The following HGS variants were observed in gnomAD, a reference collection of about 807,000 sequenced individuals.
HGS encodes human growth factor-regulated tyrosine kinase substrate.
Under a neutral mutation model 109.7 loss-of-function variants are expected in HGS, and 63 were observed. The observed-to-expected ratio is 0.57, with a 90% CI of 0.47 to 0.71. HGS has a LOEUF of 0.71. Ranked by LOEUF, HGS falls within the 30% of genes least tolerant of loss-of-function variation. HGS has a pLI of 0.00. For synonymous variants in HGS, 546 were observed against 437.3 expected, an observed-to-expected ratio of 1.25 and a Z score of -3.10; for missense variants, 995 against 1,068.3, an observed-to-expected ratio of 0.93 and a Z score of 0.96.
chr17:81,693,360 C>T (rs1242703755), intron 8 of HGS, 143 bp from the exon 9 acceptor site: 2 of 673,190 alleles, frequency 3.0e-6, no homozygotes, highest in Non-Finnish European at 5.4e-6. Context: ...GGAGTGTGGC[C>T]ATTCGGACAC....
In HGS at chr17:81,695,012, C is replaced by G; in HGVS notation, c.1064C>G (p.Thr355Arg). The change falls in exon 13 of 22, where the codon ACG becomes AGG. Residue 355 changes from threonine (T) to arginine (R), a missense_variant. Transcript: ENST00000329138. ...SPTPSAPVPLTEPAAQPGEGH... is the reference protein window; with the variant it reads ...SPTPSAPVPLREPAAQPGEGH... Reference sequence around the variant, plus strand: ...ACGCCATCTGCGCCCGTGCCCCTGACGGAGCCGGCTGCACAGCCTGGGGAA... The same window carrying G: ...ACGCCATCTGCGCCCGTGCCCCTGAGGGAGCCGGCTGCACAGCCTGGGGAA... The G allele has an allele frequency of 1.2e-6, 2 of 1,614,058 alleles. No homozygotes were observed. The highest frequency in any genetic ancestry group is 1.7e-6 in the Non-Finnish European group (2 of 1,180,004).
rs2037041601 is a variant in HGS, at chr17:81,690,172, A to G, written c.416-10A>G. On this transcript the variant is annotated splice_polypyrimidine_tract_variant and intron_variant, in intron 5 of 21. Coordinates refer to ENST00000329138, the MANE Select transcript of HGS (RefSeq NM_004712.5). The stretch of plus-strand genomic sequence containing the variant: ...GGGAGCAGGCAGTGACTATGGCTTC[A>G]TCTCTCCAGGGCACGTCTTTCCAGA... The G allele has an allele frequency of 6.2e-7, 1 of 1,612,386 alleles. No individual in the cohort carries two copies. Among genetic ancestry groups the G allele is most frequent in the South Asian group, 1.1e-5 (1 of 90,782 alleles).
intron 15 of HGS, 59 bp from the exon 16 acceptor site, chr17:81,696,298 C>G: frequency 2.0e-6 from 3 of 1,469,956 alleles, no homozygotes; most frequent in Non-Finnish European, 1.8e-6. Flanking sequence ...TCCGTTCCAC[C>G]CAGGAGCTTC....
intron 8 of HGS, 40 bp from the exon 9 acceptor site, chr17:81,693,463 G>A: frequency 6.7e-7 from 1 of 1,502,786 alleles, no homozygotes. Flanking sequence ...GCAGGGCGGT[G>A]TCAGCGCATG....
At position 81,691,510 on chromosome 17, in the gene HGS, C is replaced by T. The variant is rs1329819238; in HGVS notation, c.601C>T (p.Pro201Ser). The change falls in exon 8 of 22, where the codon CCC (proline) becomes TCC (serine). Residue 201 changes from proline to serine, a missense_variant. By Grantham distance (74) the Pro-to-Ser change is moderately conservative. This residue lies in a region of HGS where 182 missense variants were observed against 261.3 expected (regional missense o/e 0.70). Transcript: ENST00000329138. This position sits in a 1 kb window ranked among gnomAD's most constrained non-coding sequence, Gnocchi z 5.3. ...GTGTTCTTCCAAGTACTCCACCATCCCCAAGTTTGGCATCGAGAAGGAGGT... is the reference window on the plus strand; with the variant it reads ...GTGTTCTTCCAAGTACTCCACCATCTCCAAGTTTGGCATCGAGAAGGAGGT... Reference protein sequence around the residue: ...GKCSSKYSTIPKFGIEKEVRV... With the variant: ...GKCSSKYSTISKFGIEKEVRV... 6 of 1,614,048 alleles carry T rather than the reference C, an allele frequency of 3.7e-6. No homozygotes were observed. The highest frequency in any genetic ancestry group is 1.1e-5 in the South Asian group (1 of 91,092).
At chr17:81,694,698 G>C in intron 11 of HGS, 117 bp from the exon 12 acceptor site, 1 of 1,239,722 alleles carries the variant, frequency 8.1e-7, no homozygotes, top group Non-Finnish European at 1.2e-6. Flanking sequence ...AGGGCACGGA[G>C]GGAGGGCCCA....
In HGS at chr17:81,701,880, G is replaced by A; in HGVS notation, c.*262G>A. On this transcript the variant is annotated 3_prime_UTR_variant, in exon 22 of 22. Transcript: ENST00000329138. ...CCAGGGGAAGCCCCCAGCCCTGTGG[G>A]TCATGGTCTGTGAGAGGTGGCAGGA... 1 of 406,806 alleles carries A rather than the reference G, an allele frequency of 2.5e-6. No individual in the cohort carries two copies. The highest frequency in any genetic ancestry group is 4.3e-6 in the Non-Finnish European group (1 of 232,964). The allele number at this position is 406,806 out of a possible 1,614,324, so 25.2% of individuals were successfully genotyped here.
intron 11 of HGS, 29 bp from the exon 12 acceptor site, chr17:81,694,786 G>A (rs770053621): frequency 6.2e-7 from 1 of 1,614,104 alleles, no homozygotes; most frequent in Admixed American, 1.7e-5. Context: ...TCTGTCACCT[G>A]TGAGACTCAG....
chr17:81,695,700 A>G (rs1683352404), intron 14 of HGS, 86 bp from the exon 15 acceptor site: 1 of 1,195,394 alleles, frequency 8.4e-7, no homozygotes, highest in Non-Finnish European at 1.2e-6. Context: ...AGGCTTGAGT[A>G]TAGCTGGGTG....
chr17:81,696,598 G>A lies in HGS; in HGVS notation c.1567-9G>A. The A allele has an allele frequency of 6.3e-7, 1 of 1,583,934 alleles. No homozygotes were observed. Among genetic ancestry groups the A allele is most frequent in the Non-Finnish European group, 8.6e-7 (1 of 1,162,790 alleles). On this transcript the variant is annotated splice_polypyrimidine_tract_variant and intron_variant, in intron 16 of 21. Transcript: ENST00000329138. ...CTCGCAGCATAACCAGCATGTTTTT[G>A]CCGCACAGGAGTACCTGGAGGTGCA... is the stretch of plus-strand genomic sequence containing the variant.
In HGS at chr17:81,696,358, G is replaced by T; in HGVS notation, c.1395G>T (p.Leu465=). The T allele has an allele frequency of 1.3e-6, 2 of 1,579,112 alleles. No individual in the cohort carries two copies. Among genetic ancestry groups the T allele is most frequent in the East Asian group, 2.3e-5 (1 of 44,048 alleles). The change falls in exon 16 of 22, where the codon CTG becomes CTT. Residue 465 remains leucine (L), a splice_region_variant and synonymous_variant. Transcript: ENST00000329138. ...GGTTGCTCTGTCATCTGCCCACAGT[G>T]TACTATGAGGGGCTGCAGGACAAGC... ...ELLNQLDERR[L]YYEGLQDKLA... is the part of the protein sequence containing the mutation.
chr17:81,695,129 C>G (rs777680693), intron 13 of HGS, 35 bp from the exon 14 acceptor site: 1 of 1,613,532 alleles, frequency 6.2e-7, no homozygotes, highest in Admixed American at 1.7e-5. Flanking sequence ...GGATGCGGGA[C>G]AGGTTGGAGG....
intron 18 of HGS, among the ~76,000 whole-genome samples, chr17:81,699,434 C>T (rs1038248805): frequency 7.9e-5 from 12 of 152,166 alleles, no homozygotes; most frequent in African/African-American, 2.9e-4. Flanking sequence ...GTTGGTTTAT[C>T]TTCTTTTTTG....
intron 1 of HGS, chr17:81,684,913 G>A: frequency 1.0e-6 from 1 of 985,398 alleles, no homozygotes; most frequent in Non-Finnish European, 1.2e-6. Flanking sequence ...CTTCAGGGAT[G>A]AATCCAGAGG....
intron 20 of HGS, 108 bp from the exon 21 acceptor site, chr17:81,700,937 C>T (rs2037227938): frequency 1.3e-6 from 2 of 1,523,388 alleles, no homozygotes; most frequent in Non-Finnish European, 1.8e-6. Flanking sequence ...TCCCCCTCCA[C>T]TCTCTGGGTG....
Position 81,690,738 on chromosome 17 carries a change from G to A in HGS, c.533G>A (p.Arg178His), listed in dbSNP as rs2037050624. 6.2e-7 allele frequency: 1 copy of A among 1,612,594 alleles called. No individual in the cohort carries two copies. Among genetic ancestry groups the A allele is most frequent in the Non-Finnish European group, 8.5e-7 (1 of 1,179,552 alleles). Residue 178 changes from arginine (R) to histidine (H), a missense_variant, in exon 7 of 22, where the codon CGT (arginine) becomes CAT (histidine). Transcript: ENST00000329138. ...AGGGTGCAGTTCGGGGTGATGACCC[G>A]TAAGGTGAGTTCCCACCTGGGGGGC... Reference protein sequence around the residue: ...RCRVQFGVMTRKHHCRACGQI... With the variant: ...RCRVQFGVMTHKHHCRACGQI...
In HGS at chr17:81,691,249, G is replaced by A; in HGVS notation, c.538-198G>A. ...TAACTTACCTTATTTTCCCCAAAAC[G>A]GTGGCTGGCGTTGAGACTCCCGGGA... On this transcript the variant is annotated intron_variant, in intron 7 of 21. Coordinates refer to ENST00000329138, the MANE Select transcript of HGS (RefSeq NM_004712.5). This position sits in a 1 kb window ranked among gnomAD's most constrained non-coding sequence, Gnocchi z 5.3. 5.0e-6 allele frequency: 3 copies of A among 603,252 alleles called. No homozygotes were observed. Among genetic ancestry groups the A allele is most frequent in the South Asian group, 2.0e-5 (1 of 50,648 alleles). 37.4% of individuals were successfully genotyped at this position (603,252 alleles called of 1,614,324 possible). A position where few individuals can be genotyped will look rare whatever the true frequency, so the allele number is the denominator to read the frequency against.
At position 81,700,541 on chromosome 17, in the gene HGS, G is replaced by A. The variant is rs962087738; in HGVS notation, c.1957G>A (p.Gly653Arg). The A allele has an allele frequency of 1.1e-5, 17 of 1,610,458 alleles. No individual in the cohort carries two copies. Among genetic ancestry groups the A allele is most frequent in the East Asian group, 2.2e-5 (1 of 44,868 alleles). ...GAQAAPQAQA[G>R]PTASPAYSSY... ...GCAGGCGGCCCCCCAGGCCCAGGCC[G>A]GACCCACCGCCAGCCCCGCTTACTC... Residue 653 changes from glycine to arginine, a missense_variant, in exon 19 of 22, where the codon GGA (glycine) becomes AGA (arginine). Around this residue, in one of 6 missense-constraint regions of HGS, gnomAD observed 326 missense variants for 309.7 expected, o/e 1.05. Transcript: ENST00000329138.
rs371953529 is a variant in HGS, at chr17:81,686,342, G to C, written c.153G>C (p.Lys51Asn). The change falls in exon 3 of 22, where the codon AAG becomes AAC. Residue 51 changes from lysine to asparagine, a missense_variant. By Grantham distance (94) the Lys-to-Asn change is moderately conservative. Coordinates refer to ENST00000329138, the MANE Select transcript of HGS (RefSeq NM_004712.5). ...AATATGCTGTGAATTCCATCAAGAA[G>C]AAAGTCAACGACAAGAACCCACACG... ...QAKYAVNSIK[K>N]KVNDKNPHVA... The C allele has an allele frequency of 1.2e-6, 2 of 1,613,670 alleles. No individual in the cohort carries two copies. Among genetic ancestry groups the C allele is most frequent in the African/African-American group, 1.3e-5 (1 of 75,014 alleles).
Sources: gnomAD v4.1 joint callset for allele counts (sites outside exome capture counted in the v4.1 genomes callset) on GRCh38, gnomAD v4.1.1 for gene constraint, gnomAD v4.1.1 regional missense constraint, Gnocchi (gnomAD v3.1) non-coding constraint, MANE v1.5 for transcripts, NCBI Gene and HGNC (gene_info 2026-07-23, HGNC 2026-07-21) for gene names.